The following KPNB1 variants were observed in gnomAD, a reference collection of about 807,000 sequenced individuals.
KPNB1 encodes importin subunit beta-1.
In KPNB1, 7 loss-of-function variants were observed where a neutral mutation model predicts 113.0. The observed-to-expected ratio is 0.06, with a 90% CI of 0.04 to 0.12. The LOEUF is 0.12. KPNB1 is among the 10% of genes least tolerant of loss of function. KPNB1 has a pLI of 1.00. For synonymous variants in KPNB1, 363 were observed against 378.6 expected (o/e 0.96, Z 0.48); for missense variants, 400 against 1,054.8 (o/e 0.38, Z 8.60).
intron 21 of KPNB1, among the ~76,000 whole-genome samples, chr17:47,681,439 T>C (rs1332208577): frequency 1.3e-5 from 2 of 151,560 alleles, no homozygotes; most frequent in African/African-American, 2.4e-5. Flanking sequence ...ACCTGGCTAA[T>C]TTTTTTGTAT....
intron 21 of KPNB1, among the ~76,000 whole-genome samples, chr17:47,681,786 T>A (rs2030794818): frequency 6.7e-6 from 1 of 148,590 alleles, no homozygotes; most frequent in Admixed American, 6.8e-5. Flanking sequence ...CCTTTGTCGG[T>A]CTCCCAGGTG....
rs1228603832 is a variant in KPNB1 at position 47,673,185 on chromosome 17, CT to C, written c.1695+21del. 6.2e-7 allele frequency: 1 copy of C among 1,613,016 alleles called. No homozygotes were observed. The highest frequency in any genetic ancestry group is 1.1e-5 in the South Asian group (1 of 90,950). ...ATGGAGGTGAGACCTAAGAGTGCCC[CT>C]GACTATGGGTGGGAATTGGGTAGTA... is the stretch of plus-strand genomic sequence containing the variant. On this transcript the variant is annotated intron_variant, in intron 13 of 21. Coordinates refer to ENST00000290158, the MANE Select transcript of KPNB1 (RefSeq NM_002265.6).
chr17:47,661,090 A>C, intron 5 of KPNB1, 29 bp from the exon 6 acceptor site: 2 of 1,578,300 alleles, frequency 1.3e-6, no homozygotes, highest in Non-Finnish European at 1.7e-6. Context: ...ATGCTCTCCT[A>C]ATTCTCTTTA....
At chr17:47,681,830 GA>G (rs2030796312) in intron 21 of KPNB1, among the ~76,000 whole-genome samples, 2 of 149,574 alleles carry the variant, frequency 1.3e-5, no homozygotes, top group South Asian at 4.2e-4. Context: ...CTCCTACTTT[GA>G]AATGCAATCT....
intron 18 of KPNB1, 25 bp from the exon 19 acceptor site, chr17:47,678,283 A>G (rs777334898): frequency 6.2e-7 from 1 of 1,609,446 alleles, no homozygotes; most frequent in East Asian, 2.2e-5. Context: ...AGTGTGATGT[A>G]GGTTCTGTTC....
At chr17:47,650,561 T>TCCCCCCTCCCCCTCCCCCC in intron 2 of KPNB1, 117 bp downstream of exon 2, 1 of 403,538 alleles carries the variant, frequency 2.5e-6, no homozygotes, top group Non-Finnish European at 4.0e-6. Context: ...CCCGTCCCCC[T>TCCCCCCTCCCCCTCCCCCC]CCCCCCTCCC....
intron 17 of KPNB1, 109 bp from the exon 18 acceptor site, chr17:47,677,937 C>G: frequency 5.4e-6 from 6 of 1,106,082 alleles, no homozygotes; most frequent in Non-Finnish European, 8.0e-6. Context: ...CTATAAAGGA[C>G]CATCCAAATA....
At chr17:47,681,040 A>C (rs983892880) in intron 21 of KPNB1, among the ~76,000 whole-genome samples, 3 of 148,694 alleles carry the variant, frequency 2.0e-5, no homozygotes, top group African/African-American at 7.5e-5. Context: ...AAGATTTCCA[A>C]AGTCAAATGT....
intron 9 of KPNB1, among the ~76,000 whole-genome samples, chr17:47,667,225 A>T (rs1422525271): frequency 6.6e-6 from 1 of 151,994 alleles, no homozygotes; most frequent in Non-Finnish European, 1.5e-5. Context: ...TCCCTGGTTC[A>T]TGTGATTCTC....
intron 19 of KPNB1, among the ~76,000 whole-genome samples, chr17:47,679,119 AT>A (rs1340245118): frequency 6.9e-6 from 1 of 145,590 alleles, no homozygotes; most frequent in Non-Finnish European, 1.5e-5. Flanking sequence ...TAGAGATGGG[AT>A]TTCACCATGT....
At chr17:47,668,978 A>T (rs79123560) in intron 10 of KPNB1, among the ~76,000 whole-genome samples, 2 of 151,050 alleles carry the variant, frequency 1.3e-5, no homozygotes, top group Admixed American at 1.3e-4. Context: ...AAAAAAAAAA[A>T]AGAGTTTGTT....
chr17:47,650,017 C>T lies in KPNB1; in HGVS notation c.-228C>T, dbSNP rs1915479174. 1 of 1,368,440 alleles carries T rather than the reference C, an allele frequency of 7.3e-7. No individual in the cohort carries two copies. The highest frequency in any genetic ancestry group is 9.4e-7 in the Non-Finnish European group (1 of 1,066,856). The allele number at this position is 1,368,440 out of a possible 1,614,324, so 84.8% of individuals were successfully genotyped here. On this transcript the variant is annotated 5_prime_UTR_variant, in exon 1 of 22. Transcript: ENST00000290158. ...GCTCTGAGCTGCCCCCAGGGTCCCT[C>T]CCCCGCCGCCAGCAGCCCATTTGGA...
At chr17:47,676,556 A>G in intron 16 of KPNB1, 65 bp downstream of exon 16, 2 of 1,237,650 alleles carry the variant, frequency 1.6e-6, no homozygotes, top group Non-Finnish European at 2.4e-6. Context: ...AGTGCACGCA[A>G]AACCAGGTTC....
intron 11 of KPNB1, 70 bp from the exon 12 acceptor site, chr17:47,670,632 A>G: frequency 8.1e-6 from 12 of 1,478,056 alleles, no homozygotes; most frequent in African/African-American, 1.4e-5. Context: ...AAAGTATCTT[A>G]ATGAAAAATG....
At position 47,655,670 on chromosome 17, in the gene KPNB1, G is replaced by T. The variant is rs191906662; in HGVS notation, c.283-1190G>T. On this transcript the variant is annotated intron_variant, in intron 3 of 21. Transcript: ENST00000290158. Reference sequence around the variant, plus strand: ...GAATAAGACCCACCTGAATGCCCCAGAACTAGCTTCATTCTAGTGTCCATG... The same window carrying T: ...GAATAAGACCCACCTGAATGCCCCATAACTAGCTTCATTCTAGTGTCCATG... Among the ~76,000 whole-genome samples the T allele has an allele frequency of 3.3e-5, 5 of 152,322 alleles. No individual in the cohort carries two copies. The East Asian group carries it at 9.6e-4, about 29-fold the overall frequency.
rs1434713797 is a variant in KPNB1, at chr17:47,683,736, TGTGTTGTGTGA to T, written c.*1333_*1343del. 5 of 508 alleles carry T rather than the reference TGTGTTGTGTGA, an allele frequency of 9.8e-3. No individual in the cohort carries two copies. Among genetic ancestry groups the T allele is most frequent in the African/African-American group, 0.12 (2 of 16 alleles). The allele number at this position is 508 out of a possible 1,614,324, so 0.0% of individuals were successfully genotyped here. The stretch of plus-strand genomic sequence containing the variant: ...AACAAAACAAAAACAAAAAAAAGTG[TGTGTTGTGTGA>T]ATACACACACACACTAACTAGAAGT... On this transcript the variant is annotated 3_prime_UTR_variant, in exon 22 of 22. Coordinates refer to ENST00000290158, the MANE Select transcript of KPNB1 (RefSeq NM_002265.6).
At position 47,650,441 on chromosome 17, in the gene KPNB1, C is replaced by A. The variant is rs1432413445; in HGVS notation, c.96C>A (p.Asn32Lys). Reference protein sequence around the residue: ...QKFLERAAVENLPTFLVELSR... With the variant: ...QKFLERAAVEKLPTFLVELSR... ...TCCTGGAGCGTGCGGCCGTGGAGAACCTGGTGCGTGCTACCCCGCCGCGCC... is the reference window on the plus strand; with the variant it reads ...TCCTGGAGCGTGCGGCCGTGGAGAAACTGGTGCGTGCTACCCCGCCGCGCC... The change falls in exon 2 of 22, where the codon AAC becomes AAA. Residue 32 changes from asparagine to lysine, a missense_variant. Physicochemically the swap from Asn to Lys is moderately conservative, Grantham distance 94 (BLOSUM62 0). Transcript: ENST00000290158. The A allele has an allele frequency of 1.2e-6, 2 of 1,601,404 alleles. No individual in the cohort carries two copies. The highest frequency in any genetic ancestry group is 1.7e-6 in the Non-Finnish European group (2 of 1,175,002).
Position 47,676,371 on chromosome 17 carries a change from G to A in KPNB1, c.1913-38G>A, listed in dbSNP as rs370564840. On this transcript the variant is annotated intron_variant, in intron 15 of 21. Transcript: ENST00000290158. The stretch of plus-strand genomic sequence containing the variant: ...TTTCTGCCTGCCTCTGTGTTAACCC[G>A]TGGTGCTGTCATTGGCTAATAGCTT... 1.1e-4 allele frequency: 153 copies of A among 1,433,338 alleles called. No individual in the cohort carries two copies. In the Admixed American group the frequency reaches 1.6e-3, roughly 15 times the overall value. The allele number at this position is 1,433,338 out of a possible 1,614,324, so 88.8% of individuals were successfully genotyped here.
rs1915486100 is a variant in KPNB1, at chr17:47,650,130, CCCCACCCCACCCT to C, written c.-111_-99del. ...GAATGGGTTTGTGGTGACCCCCGCC[CCCCACCCCACCCT>C]CCCTTCCCACCCGACCCCCAACCCC... is the stretch of plus-strand genomic sequence containing the variant. On this transcript the variant is annotated 5_prime_UTR_variant, in exon 1 of 22. Coordinates refer to ENST00000290158, the MANE Select transcript of KPNB1 (RefSeq NM_002265.6). The C allele has an allele frequency of 2.2e-6, 1 of 461,282 alleles. No individual in the cohort carries two copies. The highest frequency in any genetic ancestry group is 2.3e-5 in the African/African-American group (1 of 44,278). The allele number at this position is 461,282 out of a possible 1,614,324, so 28.6% of individuals were successfully genotyped here. A position where few individuals can be genotyped will look rare whatever the true frequency, so the allele number is the denominator to read the frequency against.
Sources: gnomAD v4.1 joint callset for allele counts (sites outside exome capture counted in the v4.1 genomes callset) on GRCh38, gnomAD v4.1.1 for gene constraint, MANE v1.5 for transcripts, NCBI Gene and HGNC (gene_info 2026-07-23, HGNC 2026-07-21) for gene names.